The following SPATA1 variants were observed in gnomAD, a reference collection of about 807,000 sequenced individuals.
The protein encoded by SPATA1 is spermatogenesis-associated protein 1.
SPATA1 carries 57 observed loss-of-function variants against 59.6 expected under a neutral mutation model. The ratio of observed to expected loss-of-function variants is 0.96; its 90% confidence interval spans 0.77 to 1.19. The LOEUF (loss-of-function observed/expected upper bound fraction) is 1.19. Ranked by LOEUF, SPATA1 falls within the 50% of genes most tolerant of loss-of-function variation. The pLI is 0.00. For missense variants in SPATA1, 448 were observed against 480.7 expected, an observed-to-expected ratio of 0.93 and a Z score of 0.64; for synonymous variants, 147 against 163.9, an observed-to-expected ratio of 0.90 and a Z score of 0.79.
intron 8 of SPATA1, among the ~76,000 whole-genome samples, chr1:84,535,626 ATTG>A (rs1683647117): frequency 6.6e-6 from 1 of 151,680 alleles, no homozygotes; most frequent in South Asian, 2.1e-4. Flanking sequence ...TTATTTTCTA[ATTG>A]TTGCTAGTTT....
intron 8 of SPATA1, among the ~76,000 whole-genome samples, chr1:84,539,056 C>T (rs976944350): frequency 2.6e-5 from 4 of 152,306 alleles, no homozygotes; most frequent in African/African-American, 9.6e-5. Flanking sequence ...CCTCCTCAGC[C>T]TCCCAAAGTG....
chr1:84,562,144 C>T (rs939212980), intron 4 of SPATA1, among the ~76,000 whole-genome samples: 2 of 152,136 alleles, frequency 1.3e-5, no homozygotes, highest in African/African-American at 4.8e-5. Context: ...ACTTCTCAAA[C>T]CCATTAATAT....
chr1:84,545,825 T>C, intron 10 of SPATA1, 66 bp downstream of exon 10: 1 of 1,123,074 alleles, frequency 8.9e-7, no homozygotes, highest in Non-Finnish European at 1.2e-6. Context: ...TTGATCCTTT[T>C]AGAATAAATA....
chr1:84,509,212 A>AAAAAAAAAC (rs1184817698), intron 1 of SPATA1, among the ~76,000 whole-genome samples: 1 of 152,056 alleles, frequency 6.6e-6, no homozygotes, highest in Non-Finnish European at 1.5e-5. Flanking sequence ...CTGGCATAAA[A>AAAAAAAAAC]AAAAAAAAAA....
At chr1:84,557,218 G>A (rs1019566932), downstream of SPATA1, among the ~76,000 whole-genome samples, 3 of 152,134 alleles carry the variant, frequency 2.0e-5, no homozygotes, top group African/African-American at 7.2e-5. Flanking sequence ...GATTCATGTT[G>A]CTACAGAATT....
intron 5 of SPATA1, 45 bp from the exon 6 acceptor site, chr1:84,525,800 G>A (rs1191054932): frequency 6.2e-7 from 1 of 1,606,734 alleles, no homozygotes; most frequent in Non-Finnish European, 8.5e-7. Flanking sequence ...TTAGAGCACT[G>A]CTTTTAATTG....
At chr1:84,525,594 T>C in intron 4 of SPATA1, 102 bp from the exon 5 acceptor site, 1 of 891,750 alleles carries the variant, frequency 1.1e-6, no homozygotes, top group Non-Finnish European at 1.7e-6. Flanking sequence ...TTGATTTTTA[T>C]ATTTGCCACA....
intron 1 of SPATA1, among the ~76,000 whole-genome samples, chr1:84,513,150 G>C (rs753368040): frequency 6.6e-6 from 1 of 152,040 alleles, no homozygotes; most frequent in Admixed American, 6.6e-5. Flanking sequence ...ACAGAGTTTC[G>C]CTCTTGTTGC....
At chr1:84,529,239 T>A (rs1230768674) in intron 6 of SPATA1, among the ~76,000 whole-genome samples, 2 of 152,078 alleles carry the variant, frequency 1.3e-5, no homozygotes, top group East Asian at 3.8e-4. Flanking sequence ...AGTTTTGGTT[T>A]GAACTTTTAT....
At chr1:84,518,347 G>C (rs891439168) in intron 2 of SPATA1, among the ~76,000 whole-genome samples, 4 of 152,030 alleles carry the variant, frequency 2.6e-5, no homozygotes, top group African/African-American at 9.7e-5. Context: ...AATTTTTTTA[G>C]ATGTGAAAAT....
downstream of SPATA1, among the ~76,000 whole-genome samples, chr1:84,566,809 A>G (rs1684709907): frequency 6.6e-6 from 1 of 151,812 alleles, no homozygotes; most frequent in African/African-American, 2.4e-5. Flanking sequence ...ATTTTTTTGT[A>G]TTTTTAGTAG....
intron 4 of SPATA1, among the ~76,000 whole-genome samples, chr1:84,525,059 C>A (rs971811105): frequency 6.6e-6 from 1 of 152,180 alleles, no homozygotes; most frequent in African/African-American, 2.4e-5. Flanking sequence ...TCACTGCAGC[C>A]TCCACCTCCC....
chr1:84,529,120 A>G lies in SPATA1; in HGVS notation c.544+3047A>G, dbSNP rs925391289. ...TATATATCTGGCAGGGTGATTTCCCATTCAATATTATTATTCTTTATTGTG... is the reference window on the plus strand; with the variant it reads ...TATATATCTGGCAGGGTGATTTCCCGTTCAATATTATTATTCTTTATTGTG... On this transcript the variant is annotated intron_variant, in intron 6 of 12. Coordinates refer to ENST00000490879, the Ensembl canonical transcript of SPATA1. Among the ~76,000 whole-genome samples, 6 of 152,176 alleles carry G rather than the reference A, an allele frequency of 3.9e-5. No homozygotes were observed. In the South Asian group the frequency reaches 1.2e-3, roughly 32 times the overall value.
chr1:84,565,428 A>AT (rs1354403411), intron 4 of SPATA1, among the ~76,000 whole-genome samples: 1 of 152,192 alleles, frequency 6.6e-6, no homozygotes, highest in Non-Finnish European at 1.5e-5. Context: ...GTGCCCAACC[A>AT]TATCTATCTT....
downstream of SPATA1, among the ~76,000 whole-genome samples, chr1:84,558,506 T>G (rs1684520483): frequency 6.6e-6 from 1 of 151,046 alleles, no homozygotes; most frequent in Non-Finnish European, 1.5e-5. Context: ...TTAGCCGGGA[T>G]GGTCTCGATC....
At chr1:84,548,255 G>A (rs1427060133) in intron 10 of SPATA1, among the ~76,000 whole-genome samples, 2 of 151,892 alleles carry the variant, frequency 1.3e-5, no homozygotes, top group Non-Finnish European at 2.9e-5. Context: ...CTGGCATATA[G>A]TTTGTGTTCC....
intron 1 of SPATA1, among the ~76,000 whole-genome samples, chr1:84,510,649 C>G (rs1029036438): frequency 6.6e-6 from 1 of 152,168 alleles, no homozygotes; most frequent in East Asian, 1.9e-4. Flanking sequence ...TCCCAGGAAT[C>G]CCACTGCTAG....
chr1:84,544,337 T>G lies in SPATA1; in HGVS notation c.820+33T>G, dbSNP rs1684012950. ...TAGTGCAATCGTAAGTACAGATGAT[T>G]CTGTGAGGTAAAGTAAATAATGTTA... On this transcript the variant is annotated intron_variant, in intron 9 of 12. Transcript: ENST00000490879. 3.4e-6 allele frequency: 5 copies of G among 1,463,404 alleles called. No individual in the cohort carries two copies. The East Asian group carries it at 9.8e-5, about 29-fold the overall frequency. The allele number at this position is 1,463,404 out of a possible 1,614,324, so 90.7% of individuals were successfully genotyped here. A position where few individuals can be genotyped will look rare whatever the true frequency, so the allele number is the denominator to read the frequency against.
intron 1 of SPATA1, among the ~76,000 whole-genome samples, chr1:84,508,090 G>A (rs1682356732): frequency 6.6e-6 from 1 of 152,052 alleles, no homozygotes. Flanking sequence ...GACCATCCTG[G>A]CCAACGTGGG....
Sources: allele counts gnomAD v4.1 joint callset (sites outside exome capture counted in the v4.1 genomes callset), GRCh38; gene constraint gnomAD v4.1.1; transcripts MANE v1.5; gene names NCBI Gene and HGNC (gene_info 2026-07-23, HGNC 2026-07-21).